Variants in ROBO2 observed in about 807,000 individuals in gnomAD.
ROBO2 encodes roundabout homolog 2.
Under a neutral mutation model 160.8 loss-of-function variants are expected in ROBO2, and 53 were observed. The ratio of observed to expected loss-of-function variants is 0.33; its 90% CI spans 0.26 to 0.41. ROBO2 has a LOEUF of 0.41. Ranked by LOEUF, ROBO2 falls within the 10% of genes least tolerant of loss-of-function variation. The pLI, the probability that ROBO2 is intolerant of heterozygous loss-of-function variation, is 1.00. For missense variants in ROBO2, 1,577 were observed against 1,722.4 expected (o/e 0.92, Z 1.49); for synonymous variants, 664 against 611.7 (o/e 1.09, Z -1.26).
intron 2 of ROBO2, among the ~76,000 whole-genome samples, chr3:77,274,949 T>C (rs2059734824): frequency 6.6e-6 from 1 of 152,088 alleles, no homozygotes; most frequent in Non-Finnish European, 1.5e-5. Context: ...GTGCTACAAA[T>C]TTGAAGAAGT....
At chr3:77,356,732 A>T (rs887147088) in intron 2 of ROBO2, among the ~76,000 whole-genome samples, 5 of 152,156 alleles carry the variant, frequency 3.3e-5, no homozygotes, top group Admixed American at 6.6e-5. Flanking sequence ...GAAAGTGGTT[A>T]ATTCAGGGGG....
chr3:77,233,965 A>T (rs1227113657), intron 2 of ROBO2, among the ~76,000 whole-genome samples: 1 of 152,214 alleles, frequency 6.6e-6, no homozygotes, highest in Non-Finnish European at 1.5e-5. Flanking sequence ...TTTCTAAAAT[A>T]AAAACCTTGG....
chr3:76,326,350 T>C (rs1285383895), intron 2 of ROBO2, among the ~76,000 whole-genome samples: 1 of 152,092 alleles, frequency 6.6e-6, no homozygotes, highest in Non-Finnish European at 1.5e-5. Flanking sequence ...TTTAACCCTG[T>C]CCAGTATTTT....
intron 2 of ROBO2, among the ~76,000 whole-genome samples, chr3:76,164,307 C>G (rs2072745694): frequency 1.3e-5 from 2 of 152,190 alleles, no homozygotes; most frequent in South Asian, 4.1e-4. Flanking sequence ...CTTCCAAACT[C>G]CTGTCCATGT....
At chr3:76,985,964 G>T (rs1316731173) in intron 2 of ROBO2, among the ~76,000 whole-genome samples, 1 of 152,026 alleles carries the variant, frequency 6.6e-6, no homozygotes, top group Non-Finnish European at 1.5e-5. Flanking sequence ...TAAAATTTTT[G>T]GGCAAGATTT....
intron 2 of ROBO2, among the ~76,000 whole-genome samples, chr3:76,966,940 C>A (rs967739442): frequency 2.0e-4 from 31 of 152,124 alleles, no homozygotes; most frequent in African/African-American, 6.5e-4. Context: ...GAGCAGGGTA[C>A]CCACATCAGC....
At chr3:76,494,052 A>G (rs1453439897) in intron 2 of ROBO2, among the ~76,000 whole-genome samples, 2 of 152,082 alleles carry the variant, frequency 1.3e-5, no homozygotes, top group East Asian at 3.9e-4. Flanking sequence ...GAATGTTCAC[A>G]GCAGCACCAA....
chr3:77,132,552 C>T (rs1003297411), intron 2 of ROBO2, among the ~76,000 whole-genome samples: 12 of 152,006 alleles, frequency 7.9e-5, no homozygotes, highest in African/African-American at 1.9e-4. Context: ...TCTTGATTAC[C>T]GTTTGATCAA....
chr3:76,018,048 T>G (rs1420513922), intron 2 of ROBO2, among the ~76,000 whole-genome samples: 1 of 152,062 alleles, frequency 6.6e-6, no homozygotes, highest in African/African-American at 2.4e-5. Context: ...GGGTAACGTA[T>G]AACAGAGATG....
At chr3:76,288,648 A>G (rs1708650361) in intron 2 of ROBO2, among the ~76,000 whole-genome samples, 1 of 152,008 alleles carries the variant, frequency 6.6e-6, no homozygotes, top group East Asian at 1.9e-4. Flanking sequence ...CCCATTCTCC[A>G]CCCTCAGATA....
At chr3:76,232,898 A>G (rs1704707367) in intron 2 of ROBO2, among the ~76,000 whole-genome samples, 1 of 152,154 alleles carries the variant, frequency 6.6e-6, no homozygotes, top group South Asian at 2.1e-4. Context: ...ATAGATAGCA[A>G]TATGCTCAGC....
intron 2 of ROBO2, among the ~76,000 whole-genome samples, chr3:76,257,610 A>G (rs1706481576): frequency 6.6e-6 from 1 of 152,116 alleles, no homozygotes; most frequent in Admixed American, 6.6e-5. Context: ...ATAGTGCACA[A>G]TTCCTTTCTC....
chr3:76,920,922 G>T (rs1333932064), intron 2 of ROBO2, among the ~76,000 whole-genome samples: 2 of 152,080 alleles, frequency 1.3e-5, no homozygotes, highest in African/African-American at 4.8e-5. Flanking sequence ...TTTAATAAAG[G>T]TTCATTAAAA....
chr3:77,470,622 G>A (rs562353574), intron 2 of ROBO2, among the ~76,000 whole-genome samples: 1 of 152,112 alleles, frequency 6.6e-6, no homozygotes, highest in African/African-American at 2.4e-5. Context: ...GATTAAAAGT[G>A]TCATTATATG....
chr3:76,132,396 G>GGGC (rs1553653714), intron 2 of ROBO2, among the ~76,000 whole-genome samples: 1 of 91,792 alleles, frequency 1.1e-5, no homozygotes, highest in African/African-American at 7.6e-5. Context: ...CAGACTGTTG[G>GGGC]GGGGGGGGGG....
At position 76,434,450 on chromosome 3, in the gene ROBO2, A is replaced by C. The variant is rs878937421; in HGVS notation, c.109+496848A>C. The C allele has an allele frequency of 4.5e-6, 7 of 1,552,560 alleles. No homozygotes were observed. The East Asian group carries it at 1.3e-4, about 30-fold the overall frequency. Reference sequence around the variant, plus strand: ...GGTGGCTATGGCCCCCAAGCCTGGCACTTATGTGAAAGAAATGAATGATGC... The same window carrying C: ...GGTGGCTATGGCCCCCAAGCCTGGCCCTTATGTGAAAGAAATGAATGATGC... On this transcript the variant is annotated intron_variant, in intron 2 of 26. Transcript: ENST00000487694.
At chr3:76,991,709 T>G (rs1367591490) in intron 2 of ROBO2, among the ~76,000 whole-genome samples, 1 of 152,218 alleles carries the variant, frequency 6.6e-6, no homozygotes. Flanking sequence ...TGATGTGTTG[T>G]GCATAGCATG....
chr3:76,441,644 G>A (rs528202944), intron 2 of ROBO2, among the ~76,000 whole-genome samples: 44 of 152,156 alleles, frequency 2.9e-4, no homozygotes, highest in Admixed American at 5.9e-4. Context: ...AATAAAAACT[G>A]TGTGAGTGTG....
intron 4 of ROBO2, among the ~76,000 whole-genome samples, chr3:77,482,815 A>G (rs535136219): frequency 2.0e-4 from 31 of 152,228 alleles, no homozygotes; most frequent in African/African-American, 7.5e-4. Flanking sequence ...ATTTAAAGAA[A>G]CACTCATTGC....
Sources: allele counts gnomAD v4.1 joint callset (sites outside exome capture counted in the v4.1 genomes callset), GRCh38; gene constraint gnomAD v4.1.1; transcripts MANE v1.5; gene names NCBI Gene and HGNC (gene_info 2026-07-23, HGNC 2026-07-21).